EXTL3: variants seen among roughly 807,000 people sequenced by gnomAD.
EXTL3 encodes exostosin-like 3.
In EXTL3, 27 loss-of-function variants were observed where a neutral mutation model predicts 69.3. The ratio of observed to expected loss-of-function variants is 0.39; its 90% CI spans 0.29 to 0.54. EXTL3 has a LOEUF of 0.54. Ranked by LOEUF, EXTL3 falls within the 20% of genes least tolerant of loss-of-function variation. The pLI, the probability that EXTL3 is intolerant of heterozygous loss-of-function variation, is 0.69. For synonymous variants in EXTL3, 511 were observed against 499.4 expected, an observed-to-expected ratio of 1.02 and a Z score of -0.31; for missense variants, 1,003 against 1,231.8, an observed-to-expected ratio of 0.81 and a Z score of 2.78.
chr8:28,738,448 G>A (rs80244523), intron 5 of EXTL3, among the ~76,000 whole-genome samples: 5,255 of 152,284 alleles, frequency 0.035, 293 homozygotes, highest in African/African-American at 0.12. Flanking sequence ...GTTAAATACA[G>A]TTATTGATTT....
At chr8:28,714,798 A>G (rs1364655970) in intron 2 of EXTL3, among the ~76,000 whole-genome samples, 1 of 152,242 alleles carries the variant, frequency 6.6e-6, no homozygotes, top group East Asian at 1.9e-4. Context: ...CCTCCCATCC[A>G]CTGCACTTTG....
intron 6 of EXTL3, among the ~76,000 whole-genome samples, chr8:28,744,528 CTTACGCCT>C (rs1429363960): frequency 6.6e-6 from 1 of 152,214 alleles, no homozygotes; most frequent in Non-Finnish European, 1.5e-5. Context: ...GGCGCAGTGG[CTTACGCCT>C]ATAATCCCAG....
In EXTL3 at chr8:28,704,663, C is replaced by CT. The variant is rs954475620; in HGVS notation, c.-570+3014dup. On this transcript the variant is annotated intron_variant, in intron 1 of 6. Coordinates refer to ENST00000220562, the MANE Select transcript of EXTL3 (RefSeq NM_001440.4). ...TTCCAGCATGGCTTCTTTTCTTTTT[C>CT]TTTTTTTTTTCAATTTTTCTATTGA... Among the ~76,000 whole-genome samples, 88 of 148,436 alleles carry CT rather than the reference C, an allele frequency of 5.9e-4. 2 individuals are homozygous for CT. The South Asian group carries it at 7.1e-3, about 12-fold the overall frequency.
At chr8:28,685,133 G>A (rs1462704232) in intron 1 of EXTL3, among the ~76,000 whole-genome samples, 1 of 151,918 alleles carries the variant, frequency 6.6e-6, no homozygotes, top group Non-Finnish European at 1.5e-5. Flanking sequence ...TATATTTTAA[G>A]TAGAGGTGGA....
chr8:28,716,311 C>T lies in EXTL3; in HGVS notation c.252C>T (p.Arg84=). 6.2e-7 allele frequency: 1 copy of T among 1,614,238 alleles called. No homozygotes were observed. The highest frequency in any genetic ancestry group is 8.5e-7 in the Non-Finnish European group (1 of 1,180,048). The change falls in exon 3 of 7, where the codon CGC becomes CGT. Residue 84 remains arginine, a synonymous_variant. Transcript: ENST00000220562. This position sits in a 1 kb window ranked among gnomAD's most constrained non-coding sequence, Gnocchi z 7.1. The part of the protein sequence containing the change: ...CEVKHVLDLC[R]IRESVSEELL... ...TGAAGCACGTGCTGGATCTGTGCCG[C>T]ATCCGGGAGTCGGTGAGTGAAGAGC... is the stretch of plus-strand genomic sequence containing the variant.
At chr8:28,655,884 G>A (rs977418174) in intron 1 of EXTL3, among the ~76,000 whole-genome samples, 3 of 152,180 alleles carry the variant, frequency 2.0e-5, no homozygotes, top group South Asian at 2.1e-4. Context: ...ACCTGGTCAT[G>A]ATGGCGGCCT....
chr8:28,716,802 C>T lies in EXTL3; in HGVS notation c.743C>T (p.Pro248Leu), dbSNP rs375285295. The T allele has an allele frequency of 3.2e-5, 51 of 1,614,218 alleles. No individual in the cohort carries two copies. In the African/African-American group the frequency reaches 3.9e-4, roughly 12 times the overall value. The change falls in exon 3 of 7, where the codon CCG becomes CTG. Residue 248 changes from proline (P) to leucine (L), a missense_variant. Around this residue, in one of 2 missense-constraint regions of EXTL3, gnomAD observed 742 missense variants for 815.4 expected, o/e 0.91. Transcript: ENST00000220562. This position sits in a 1 kb window ranked among gnomAD's most constrained non-coding sequence, Gnocchi z 7.1. ...ATACTAGTGGGAGAGATGCAGGAGC[C>T]GGTGGTGCTGCGGCCTGCTGAGCTG... ...YVILVGEMQE[P>L]VVLRPAELEK...
At chr8:28,632,481 T>C (rs1199373993) in intron 1 of EXTL3, among the ~76,000 whole-genome samples, 1 of 151,946 alleles carries the variant, frequency 6.6e-6, no homozygotes, top group Non-Finnish European at 1.5e-5. Flanking sequence ...GTAATAATAA[T>C]GAGTGCTAAC....
At chr8:28,612,627 C>T (rs1806286422) in intron 2 of EXTL3, among the ~76,000 whole-genome samples, 1 of 152,106 alleles carries the variant, frequency 6.6e-6, no homozygotes, top group South Asian at 2.1e-4. Flanking sequence ...TTATCATGAA[C>T]AGGTGCTGAA....
intron 1 of EXTL3, among the ~76,000 whole-genome samples, chr8:28,703,559 G>A (rs944443799): frequency 6.6e-6 from 1 of 152,150 alleles, no homozygotes; most frequent in African/African-American, 2.4e-5. Flanking sequence ...GAGGGTTATG[G>A]GTGATGAGGG....
intron 2 of EXTL3, among the ~76,000 whole-genome samples, chr8:28,608,736 C>T (rs1177660261): frequency 7.9e-5 from 12 of 151,944 alleles, no homozygotes. Context: ...TGGTGGCTCA[C>T]ATCTGTGGTC....
chr8:28,667,248 A>G (rs1413556340), intron 1 of EXTL3, among the ~76,000 whole-genome samples: 2 of 152,210 alleles, frequency 1.3e-5, no homozygotes, highest in African/African-American at 4.8e-5. Flanking sequence ...ACAATGGACA[A>G]GGTGCAGGGG....
At chr8:28,737,805 C>A in intron 5 of EXTL3, 142 bp downstream of exon 5, 3 of 978,596 alleles carry the variant, frequency 3.1e-6, no homozygotes, top group South Asian at 1.3e-5. Context: ...TCTATTTTTA[C>A]AGACAATGAT....
chr8:28,738,557 C>T (rs1224243009), intron 5 of EXTL3, among the ~76,000 whole-genome samples: 1 of 152,190 alleles, frequency 6.6e-6, no homozygotes, highest in Non-Finnish European at 1.5e-5. Context: ...CTCTCTACCT[C>T]CCTCCTGAAG....
At chr8:28,743,293 G>T in intron 6 of EXTL3, 79 bp downstream of exon 6, 1 of 1,497,324 alleles carries the variant, frequency 6.7e-7, no homozygotes. Flanking sequence ...GCACGTAACT[G>T]CACTGTACCT....
intron 1 of EXTL3, among the ~76,000 whole-genome samples, chr8:28,646,293 A>G (rs1806829063): frequency 6.6e-6 from 1 of 152,220 alleles, no homozygotes; most frequent in South Asian, 2.1e-4. Context: ...TGTGAAAAGG[A>G]ACACATTTCT....
upstream of EXTL3, among the ~76,000 whole-genome samples, chr8:28,620,834 A>G (rs1806401753): frequency 6.6e-6 from 1 of 152,104 alleles, no homozygotes; most frequent in African/African-American, 2.4e-5. Flanking sequence ...CTCCTGCCTC[A>G]GCCTACTAAG....
intron 2 of EXTL3, among the ~76,000 whole-genome samples, chr8:28,615,961 A>ATTTAATG: frequency 6.6e-6 from 1 of 152,242 alleles, no homozygotes; most frequent in South Asian, 2.1e-4. Context: ...TAGGCCAGGC[A>ATTTAATG]CAGTGGCTCA....
At chr8:28,668,711 A>G (rs947977314) in intron 1 of EXTL3, among the ~76,000 whole-genome samples, 2 of 151,628 alleles carry the variant, frequency 1.3e-5, no homozygotes, top group Admixed American at 6.6e-5. Context: ...ATTGATCCAG[A>G]CTCACACCAT....
Sources: gnomAD v4.1 joint callset for allele counts (sites outside exome capture counted in the v4.1 genomes callset) on GRCh38, gnomAD v4.1.1 for gene constraint, gnomAD v4.1.1 regional missense constraint, Gnocchi (gnomAD v3.1) non-coding constraint, MANE v1.5 for transcripts, NCBI Gene and HGNC (gene_info 2026-07-23, HGNC 2026-07-21) for gene names.